Variants in ZNF804A observed in about 807,000 individuals in gnomAD.
ZNF804A encodes zinc finger protein 804A.
In ZNF804A, 2 loss-of-function variants were observed where a neutral mutation model predicts 16.5. The observed-to-expected ratio is 0.12, with a 90% confidence interval of 0.05 to 0.38. ZNF804A has a LOEUF of 0.38. Ranked by LOEUF, ZNF804A falls within the 10% of genes least tolerant of loss-of-function variation. ZNF804A has a pLI of 0.99. For synonymous variants in ZNF804A, 534 were observed against 489.6 expected, an observed-to-expected ratio of 1.09 and a Z score of -1.20; for missense variants, 1,473 against 1,390.7, an observed-to-expected ratio of 1.06 and a Z score of -0.94.
chr2:184,883,503 T>C (rs992973096), intron 2 of ZNF804A, among the ~76,000 whole-genome samples: 1 of 151,888 alleles, frequency 6.6e-6, no homozygotes, highest in Non-Finnish European at 1.5e-5. Flanking sequence ...ATATCCTTGA[T>C]AAAATAGTTG....
chr2:184,743,556 A>T (rs1047376199), intron 1 of ZNF804A, among the ~76,000 whole-genome samples: 7 of 151,972 alleles, frequency 4.6e-5, no homozygotes, highest in Non-Finnish European at 8.8e-5. Context: ...AGATAAAATC[A>T]CAGAAACAAA....
intron 1 of ZNF804A, among the ~76,000 whole-genome samples, chr2:184,796,252 C>A (rs1438965686): frequency 6.6e-6 from 1 of 151,944 alleles, no homozygotes; most frequent in Non-Finnish European, 1.5e-5. Flanking sequence ...AGGGAGGATT[C>A]GTTATTTCTT....
rs768734554 is a variant in ZNF804A at position 184,938,720 on chromosome 2, AGCTGCTGCAGCTGCAGCTGCAGCC to A, written c.3327_3350del (p.Ala1112_Ala1119del). 51 of 1,608,244 alleles carry A rather than the reference AGCTGCTGCAGCTGCAGCTGCAGCC, an allele frequency of 3.2e-5. No homozygotes were observed. Among genetic ancestry groups the A allele is most frequent in the South Asian group, 9.9e-5 (9 of 90,966 alleles). On this transcript the variant is annotated inframe_deletion, in exon 4 of 4. Coordinates refer to ENST00000302277, the MANE Select transcript of ZNF804A (RefSeq NM_194250.2). ...ACACTGTTTTGCAGCAGCACGCTGC[AGCTGCTGCAGCTGCAGCTGCAGCC>A]GCAGCTGCAGGAACCTTTAAAGTGC...
chr2:184,931,522 T>C (rs1034399973), intron 2 of ZNF804A, among the ~76,000 whole-genome samples: 9 of 152,120 alleles, frequency 5.9e-5, no homozygotes, highest in South Asian at 4.1e-4. Context: ...TTTTTATCCA[T>C]GGCTAGGATG....
chr2:184,676,870 T>C (rs918780704), intron 1 of ZNF804A, among the ~76,000 whole-genome samples: 1 of 151,678 alleles, frequency 6.6e-6, no homozygotes, highest in African/African-American at 2.4e-5. Context: ...AACTGTTAAA[T>C]AACTGTCTAC....
intron 1 of ZNF804A, among the ~76,000 whole-genome samples, chr2:184,714,697 A>G (rs1693186495): frequency 6.6e-6 from 1 of 152,168 alleles, no homozygotes; most frequent in Non-Finnish European, 1.5e-5. Context: ...ACTTGTCTAC[A>G]TAGTTGTATT....
At chr2:184,677,604 A>C (rs1394180654) in intron 1 of ZNF804A, among the ~76,000 whole-genome samples, 2 of 152,024 alleles carry the variant, frequency 1.3e-5, no homozygotes, top group Non-Finnish European at 2.9e-5. Context: ...TATAACATCA[A>C]GGTATTAAAA....
At position 184,937,796 on chromosome 2, in the gene ZNF804A, T is replaced by G. The variant is rs769673286; in HGVS notation, c.2400T>G (p.Ser800Arg). ...CAGAAGAATTTTTGAGGCCACCAAG[T>G]ACTTCAGTTGCTCCCTGCAAGCCTA... ...HLPEEFLRPPSTSVAPCKPKK... is the reference protein window; with the variant it reads ...HLPEEFLRPPRTSVAPCKPKK... The change falls in exon 4 of 4, where the codon AGT becomes AGG. Residue 800 changes from serine (S) to arginine (R), a missense_variant. Transcript: ENST00000302277. 2.9e-5 allele frequency: 46 copies of G among 1,613,976 alleles called. No individual in the cohort carries two copies. The highest frequency in any genetic ancestry group is 3.5e-5 in the Non-Finnish European group (41 of 1,179,996).
chr2:184,853,111 T>G (rs959550468), intron 1 of ZNF804A, among the ~76,000 whole-genome samples: 1 of 151,898 alleles, frequency 6.6e-6, no homozygotes, highest in Admixed American at 6.6e-5. Context: ...GTCATTCAAT[T>G]TCTTTCATCA....
At chr2:184,701,379 T>C (rs1032789955) in intron 1 of ZNF804A, among the ~76,000 whole-genome samples, 3 of 151,936 alleles carry the variant, frequency 2.0e-5, no homozygotes, top group African/African-American at 7.2e-5. Context: ...CTAAAATAAA[T>C]TTTCTGTTTC....
chr2:184,879,165 G>A (rs1684766822), intron 2 of ZNF804A, among the ~76,000 whole-genome samples: 1 of 151,942 alleles, frequency 6.6e-6, no homozygotes, highest in African/African-American at 2.4e-5. Context: ...GAGAGAGAAA[G>A]AGGAAAATAA....
intron 2 of ZNF804A, among the ~76,000 whole-genome samples, chr2:184,907,621 A>T (rs1164795206): frequency 6.6e-6 from 1 of 152,144 alleles, no homozygotes; most frequent in Non-Finnish European, 1.5e-5. Context: ...CTTGCCAGAA[A>T]CAAGAACTGT....
chr2:184,922,686 C>A (rs991531967), intron 2 of ZNF804A, among the ~76,000 whole-genome samples: 1 of 151,974 alleles, frequency 6.6e-6, no homozygotes, highest in African/African-American at 2.4e-5. Context: ...CTCCAATGTC[C>A]TGAAGAGTTT....
chr2:184,729,697 T>C (rs1196516307), intron 1 of ZNF804A, among the ~76,000 whole-genome samples: 1 of 152,140 alleles, frequency 6.6e-6, no homozygotes, highest in African/African-American at 2.4e-5. Context: ...ATCATTTTGT[T>C]ACTGACACGT....
chr2:184,910,605 A>G lies in ZNF804A; in HGVS notation c.256-22998A>G, dbSNP rs150559143. Reference sequence around the variant, plus strand: ...ACATTTCCACCAACAGTGTAGAAGCATTCTCTTTTCTCCACAGCCTTGCCA... The same window carrying G: ...ACATTTCCACCAACAGTGTAGAAGCGTTCTCTTTTCTCCACAGCCTTGCCA... On this transcript the variant is annotated intron_variant, in intron 2 of 3. Transcript: ENST00000302277. Among the ~76,000 whole-genome samples the G allele has an allele frequency of 2.8e-3, 429 of 152,130 alleles. 3 individuals are homozygous for G. The highest frequency in any genetic ancestry group is 8.7e-3 in the African/African-American group (363 of 41,554).
intron 1 of ZNF804A, among the ~76,000 whole-genome samples, chr2:184,787,595 T>C (rs1329070387): frequency 6.6e-6 from 1 of 152,052 alleles, no homozygotes; most frequent in Non-Finnish European, 1.5e-5. Flanking sequence ...TGCATTTCTC[T>C]GGTGATTAGT....
At chr2:184,605,802 C>T (rs1343554023) in intron 1 of ZNF804A, among the ~76,000 whole-genome samples, 1 of 152,018 alleles carries the variant, frequency 6.6e-6, no homozygotes, top group East Asian at 1.9e-4. Flanking sequence ...TAACTGTGTA[C>T]TGTATTATGA....
intron 1 of ZNF804A, among the ~76,000 whole-genome samples, chr2:184,743,483 T>G (rs1559139773): frequency 6.6e-6 from 1 of 152,018 alleles, no homozygotes; most frequent in Non-Finnish European, 1.5e-5. Flanking sequence ...GTATATCTAT[T>G]ATTATTTTAA....
At chr2:184,671,161 G>A (rs1174715785) in intron 1 of ZNF804A, among the ~76,000 whole-genome samples, 2 of 152,160 alleles carry the variant, frequency 1.3e-5, no homozygotes, top group Non-Finnish European at 2.9e-5. Context: ...TGGACAAGGT[G>A]TGCCACCTAA....
Sources: gnomAD v4.1 joint callset for allele counts (sites outside exome capture counted in the v4.1 genomes callset) on GRCh38, gnomAD v4.1.1 for gene constraint, MANE v1.5 for transcripts, NCBI Gene and HGNC (gene_info 2026-07-23, HGNC 2026-07-21) for gene names.